Variants in CTNNA2 observed in about 807,000 individuals in gnomAD.
The protein encoded by CTNNA2 is catenin alpha-2.
Under a neutral mutation model 101.0 loss-of-function variants are expected in CTNNA2, and 42 were observed. The observed-to-expected ratio is 0.42, with a 90% CI of 0.32 to 0.54. The LOEUF is 0.54. CTNNA2 is among the 20% of genes least tolerant of loss of function. The pLI, the probability that CTNNA2 is intolerant of heterozygous loss-of-function variation, is 0.14. For missense variants in CTNNA2, 871 were observed against 1,223.1 expected (o/e 0.71, Z 4.29); for synonymous variants, 450 against 456.4 (o/e 0.99, Z 0.18).
rs1462858326 is a variant in CTNNA2, at chr2:80,397,397, A to G, written c.1137+4106A>G. Among the ~76,000 whole-genome samples the G allele has an allele frequency of 4.5e-4, 69 of 152,092 alleles. 1 individual carries two copies. The highest frequency in any genetic ancestry group is 4.5e-3 in the Admixed American group (69 of 15,268). On this transcript the variant is annotated intron_variant, in intron 8 of 18. Coordinates refer to ENST00000402739, the MANE Select transcript of CTNNA2 (RefSeq NM_001282597.3). ...TGTGAAGCCAAGTACCGTACCTGAT[A>G]TGGTTTGGCTGTTTCCCTACCCATT...
chr2:79,238,046 C>A (rs1418952393), intron 2 of CTNNA2, among the ~76,000 whole-genome samples: 1 of 152,234 alleles, frequency 6.6e-6, no homozygotes, highest in East Asian at 1.9e-4. Context: ...AGAGCCCTAG[C>A]TTTCAGCCTA....
intron 3 of CTNNA2, among the ~76,000 whole-genome samples, chr2:79,835,652 A>C (rs1679270219): frequency 7.5e-6 from 1 of 132,822 alleles, no homozygotes. Context: ...TGTGCTGCAG[A>C]ATGGCCTCTC....
chr2:80,510,654 A>G (rs966565011), intron 9 of CTNNA2, among the ~76,000 whole-genome samples: 1 of 152,206 alleles, frequency 6.6e-6, no homozygotes, highest in African/African-American at 2.4e-5. Flanking sequence ...TTTATTGATG[A>G]TCATTTGTTA....
Position 79,829,322 on chromosome 2 carries a change from G to A in CTNNA2, c.299-28691G>A, listed in dbSNP as rs141087840. Among the ~76,000 whole-genome samples, 464 of 149,594 alleles carry A rather than the reference G, an allele frequency of 3.1e-3. 2 individuals are homozygous for A. The highest frequency in any genetic ancestry group is 0.011 in the African/African-American group (432 of 40,590). ...TCATAAGGTCAGGAGTTGGAGACCA[G>A]CCTGGCTAATATGGTGAAACCCCGT... On this transcript the variant is annotated intron_variant, in intron 3 of 18. Transcript: ENST00000402739.
chr2:79,369,531 G>A (rs1677824359), intron 3 of CTNNA2, among the ~76,000 whole-genome samples: 1 of 152,166 alleles, frequency 6.6e-6, no homozygotes, highest in Admixed American at 6.5e-5. Flanking sequence ...CTCTTCCAGT[G>A]TGGCTCCCCT....
At chr2:79,905,424 A>G (rs920135735) in intron 6 of CTNNA2, among the ~76,000 whole-genome samples, 8 of 152,328 alleles carry the variant, frequency 5.3e-5, no homozygotes, top group Middle Eastern at 6.8e-3. Context: ...TACAATGTAA[A>G]AGAATGAACT....
chr2:79,643,442 T>C (rs571314579), intron 1 of CTNNA2, among the ~76,000 whole-genome samples: 1 of 152,194 alleles, frequency 6.6e-6, no homozygotes, highest in Admixed American at 6.5e-5. Context: ...AAATGAAAAT[T>C]ATCCAACCCA....
At chr2:80,568,912 C>A (rs3770323) in intron 12 of CTNNA2, among the ~76,000 whole-genome samples, 41,523 of 151,938 alleles carry the variant, frequency 0.27, 6,467 homozygotes, top group Admixed American at 0.37. Context: ...ATAATAGATG[C>A]TTTTTGTGTT....
chr2:79,929,371 A>G (rs1301844886), intron 7 of CTNNA2, among the ~76,000 whole-genome samples: 1 of 152,334 alleles, frequency 6.6e-6, no homozygotes, highest in Non-Finnish European at 1.5e-5. Context: ...TGTAAAAGAA[A>G]AAAAGGGACG....
At chr2:79,880,918 C>T (rs935385975) in intron 6 of CTNNA2, among the ~76,000 whole-genome samples, 9 of 151,948 alleles carry the variant, frequency 5.9e-5, no homozygotes, top group Non-Finnish European at 1.2e-4. Context: ...GTTAGTGTGT[C>T]GACTTGAGAT....
intron 3 of CTNNA2, among the ~76,000 whole-genome samples, chr2:79,848,026 A>C (rs1296877873): frequency 1.3e-5 from 2 of 152,172 alleles, no homozygotes; most frequent in African/African-American, 4.8e-5. Flanking sequence ...AGGAGAATAC[A>C]GGTACTGATC....
chr2:80,581,451 C>CA (rs1442408584), intron 13 of CTNNA2, among the ~76,000 whole-genome samples: 1 of 152,084 alleles, frequency 6.6e-6, no homozygotes, highest in Middle Eastern at 3.2e-3. Context: ...TTAAAATTAG[C>CA]ATATCACTGC....
chr2:80,301,071 T>C (rs2149203835), intron 7 of CTNNA2, among the ~76,000 whole-genome samples: 1 of 152,178 alleles, frequency 6.6e-6, no homozygotes, highest in African/African-American at 2.4e-5. Flanking sequence ...ATCAAATGAG[T>C]ATCTTCTCCC....
At chr2:80,470,510 A>T (rs1484044923) in intron 9 of CTNNA2, among the ~76,000 whole-genome samples, 1 of 152,144 alleles carries the variant, frequency 6.6e-6, no homozygotes, top group Non-Finnish European at 1.5e-5. Context: ...GGAAAACAGC[A>T]GTGTCCCCTA....
At chr2:80,494,795 TCTTA>T (rs1285370125) in intron 9 of CTNNA2, among the ~76,000 whole-genome samples, 1 of 152,246 alleles carries the variant, frequency 6.6e-6, no homozygotes, top group East Asian at 1.9e-4. Flanking sequence ...GTGTTAAAAA[TCTTA>T]CTTAACTCAT....
intron 4 of CTNNA2, among the ~76,000 whole-genome samples, chr2:79,494,552 C>A (rs1671236167): frequency 6.6e-6 from 1 of 152,066 alleles, no homozygotes; most frequent in African/African-American, 2.4e-5. Flanking sequence ...CGAGAAAATT[C>A]AGTACAAAAG....
intron 7 of CTNNA2, among the ~76,000 whole-genome samples, chr2:80,147,020 C>T (rs1294260311): frequency 1.3e-5 from 2 of 151,284 alleles, no homozygotes; most frequent in Non-Finnish European, 2.9e-5. Context: ...GGCTGGAGTG[C>T]AGTGGTGCAA....
intron 15 of CTNNA2, among the ~76,000 whole-genome samples, chr2:80,594,097 A>G (rs1362211374): frequency 6.6e-6 from 1 of 152,272 alleles, no homozygotes; most frequent in Non-Finnish European, 1.5e-5. Context: ...CCAGCAATAC[A>G]CAAGTGTTCA....
At chr2:80,283,515 G>T (rs1283843127) in intron 7 of CTNNA2, among the ~76,000 whole-genome samples, 1 of 152,160 alleles carries the variant, frequency 6.6e-6, no homozygotes, top group Non-Finnish European at 1.5e-5. Context: ...TAAAAAGGCA[G>T]TAACCTCATA....
Sources: gnomAD v4.1 joint callset for allele counts (sites outside exome capture counted in the v4.1 genomes callset) on GRCh38, gnomAD v4.1.1 for gene constraint, MANE v1.5 for transcripts, NCBI Gene and HGNC (gene_info 2026-07-23, HGNC 2026-07-21) for gene names.